USP34: variants seen among roughly 807,000 people sequenced by gnomAD.
USP34 encodes the protein ubiquitin specific peptidase 34, also known as ubiquitin carboxyl-terminal hydrolase 34.
A neutral mutation model predicts 460.3 loss-of-function variants in USP34; 70 were observed. The ratio of observed to expected loss-of-function variants is 0.15; its 90% CI spans 0.13 to 0.19. The LOEUF is 0.19. USP34 is among the 10% of genes least tolerant of loss of function. USP34 has a pLI of 1.00. For synonymous variants in USP34, 1,647 were observed against 1,405.3 expected (o/e 1.17, Z -3.85); for missense variants, 3,985 against 4,236.2 (o/e 0.94, Z 1.65).
chr2:61,469,834 C>T (rs984235806), intron 1 of USP34, among the ~76,000 whole-genome samples: 3 of 152,086 alleles, frequency 2.0e-5, no homozygotes, highest in Non-Finnish European at 4.4e-5. Flanking sequence ...CTTCTATAAG[C>T]TGAAATACCA....
intron 27 of USP34, among the ~76,000 whole-genome samples, 165 bp downstream of exon 27, chr2:61,311,375 T>C (rs1443546261): frequency 2.0e-5 from 3 of 151,340 alleles, no homozygotes; most frequent in Non-Finnish European, 4.4e-5. Context: ...TAGTCTGTAG[T>C]ATTGTTACAG....
chr2:61,423,323 G>C (rs1432736041), intron 1 of USP34, among the ~76,000 whole-genome samples: 1 of 151,972 alleles, frequency 6.6e-6, no homozygotes, highest in Admixed American at 6.6e-5. Flanking sequence ...TGATGGCCAG[G>C]CTGCTCTCGA....
intron 34 of USP34, among the ~76,000 whole-genome samples, chr2:61,287,083 A>T (rs1174823344): frequency 6.6e-6 from 1 of 152,188 alleles, no homozygotes; most frequent in Non-Finnish European, 1.5e-5. Context: ...TTCAGATTAT[A>T]TTGTACTCTG....
chr2:61,279,571 G>C (rs908885521), intron 39 of USP34, among the ~76,000 whole-genome samples: 1 of 152,060 alleles, frequency 6.6e-6, no homozygotes, highest in Non-Finnish European at 1.5e-5. Context: ...GGGTTCAAGC[G>C]ATTCTGCCTC....
intron 21 of USP34, among the ~76,000 whole-genome samples, chr2:61,323,250 G>A (rs1019234039): frequency 2.6e-5 from 4 of 152,268 alleles, no homozygotes; most frequent in East Asian, 3.9e-4. Context: ...AGCGGCTCAC[G>A]CCTGTAATCC....
intron 2 of USP34, among the ~76,000 whole-genome samples, chr2:61,406,670 C>A (rs1437277578): frequency 2.0e-5 from 3 of 150,072 alleles, no homozygotes; most frequent in Admixed American, 6.7e-5. Flanking sequence ...CTCTCCCCCC[C>A]AAGCTCCTGT....
intron 12 of USP34, among the ~76,000 whole-genome samples, chr2:61,349,611 C>T (rs371164484): frequency 3.8e-4 from 58 of 152,160 alleles, no homozygotes; most frequent in Middle Eastern, 3.4e-3. Context: ...GAGGCCAAGG[C>T]GGATGGATGA....
At chr2:61,299,529 G>C (rs1470413510) in intron 29 of USP34, among the ~76,000 whole-genome samples, 1 of 152,090 alleles carries the variant, frequency 6.6e-6, no homozygotes, top group African/African-American at 2.4e-5. Flanking sequence ...GAGGTGGGAG[G>C]ATCGCTTGAA....
At chr2:61,426,337 G>A (rs773282160) in intron 1 of USP34, among the ~76,000 whole-genome samples, 1 of 152,082 alleles carries the variant, frequency 6.6e-6, no homozygotes, top group Non-Finnish European at 1.5e-5. Flanking sequence ...TGGCATTTCT[G>A]GACCTGCCCT....
chr2:61,227,584 G>T (rs752972624), intron 61 of USP34, among the ~76,000 whole-genome samples: 3 of 151,986 alleles, frequency 2.0e-5, no homozygotes, highest in Admixed American at 6.6e-5. Flanking sequence ...GGTGGCACGC[G>T]CTTGTAATCC....
chr2:61,331,405 TGGGCAG>T (rs747833228), intron 19 of USP34, 34 bp from the exon 20 acceptor site: 34 of 1,569,178 alleles, frequency 2.2e-5, no homozygotes, highest in Non-Finnish European at 2.8e-5. Flanking sequence ...AATTTTAAAG[TGGGCAG>T]GGTAAGAGAA....
Position 61,442,460 on chromosome 2 carries a change from G to C in USP34, c.44-21627C>G, listed in dbSNP as rs146557349. ...TAAAAATGCACACACAATGTGAATA[G>C]ACATTTCTCAAAGATTATATACAAA... On this transcript the variant is annotated intron_variant, in intron 1 of 79. Coordinates refer to ENST00000398571, the MANE Select transcript of USP34 (RefSeq NM_014709.4). Among the ~76,000 whole-genome samples, 264 of 144,228 alleles carry C rather than the reference G, an allele frequency of 1.8e-3. 4 individuals are homozygous for C. Among genetic ancestry groups the C allele is most frequent in the South Asian group, 4.4e-3 (20 of 4,568 alleles). 94.6% of individuals were successfully genotyped at this position (144,228 alleles called of 152,430 possible).
intron 18 of USP34, among the ~76,000 whole-genome samples, chr2:61,339,059 A>G (rs1478187765): frequency 6.6e-6 from 1 of 152,192 alleles, no homozygotes; most frequent in Non-Finnish European, 1.5e-5. Context: ...AAACAGAGTA[A>G]TCACCAAGGT....
chr2:61,369,257 G>A lies in USP34; in HGVS notation c.1251+1064C>T, dbSNP rs568153092. Among the ~76,000 whole-genome samples the A allele has an allele frequency of 3.3e-5, 5 of 152,268 alleles. No homozygotes were observed. In the East Asian group the frequency reaches 5.8e-4, roughly 18 times the overall value. On this transcript the variant is annotated intron_variant, in intron 10 of 79. Coordinates refer to ENST00000398571, the MANE Select transcript of USP34 (RefSeq NM_014709.4). The stretch of plus-strand genomic sequence containing the variant: ...TAACCTAGTAATTCTAATTCTACTT[G>A]TAAGTAAGAATTTATCATAGCTACA...
intron 53 of USP34, among the ~76,000 whole-genome samples, chr2:61,238,574 A>G (rs1688139882): frequency 6.6e-6 from 1 of 152,216 alleles, no homozygotes; most frequent in Non-Finnish European, 1.5e-5. Context: ...GGGATTAATA[A>G]CTATGCTTTA....
intron 1 of USP34, among the ~76,000 whole-genome samples, chr2:61,448,444 G>T (rs568165137): frequency 6.6e-6 from 1 of 152,310 alleles, no homozygotes; most frequent in East Asian, 1.9e-4. Flanking sequence ...AGTGAGTGAG[G>T]CCCTGTCTCA....
chr2:61,244,199 C>T (rs745805110), intron 51 of USP34, among the ~76,000 whole-genome samples: 27 of 152,136 alleles, frequency 1.8e-4, no homozygotes, highest in Non-Finnish European at 3.5e-4. Context: ...ACGGAAATGA[C>T]TAATATTTGT....
intron 18 of USP34, among the ~76,000 whole-genome samples, chr2:61,337,974 A>T (rs1264949352): frequency 6.6e-6 from 1 of 152,252 alleles, no homozygotes; most frequent in Non-Finnish European, 1.5e-5. Flanking sequence ...TAACTGTTAT[A>T]AAACCTATGT....
intron 10 of USP34, among the ~76,000 whole-genome samples, chr2:61,353,632 T>C (rs1259736020): frequency 6.6e-6 from 1 of 151,828 alleles, no homozygotes; most frequent in Non-Finnish European, 1.5e-5. Flanking sequence ...GGTTTCGCCA[T>C]GTTGGCCAGG....
Sources: gnomAD v4.1 joint callset for allele counts (sites outside exome capture counted in the v4.1 genomes callset) on GRCh38, gnomAD v4.1.1 for gene constraint, MANE v1.5 for transcripts, NCBI Gene and HGNC (gene_info 2026-07-23, HGNC 2026-07-21) for gene names.